The following FER variants were observed in gnomAD, a reference collection of about 807,000 sequenced individuals.
The protein encoded by FER is tyrosine-protein kinase Fer.
A neutral mutation model predicts 111.0 loss-of-function variants in FER; 63 were observed. The ratio of observed to expected loss-of-function variants is 0.57; its 90% CI spans 0.46 to 0.70. The LOEUF (loss-of-function observed/expected upper bound fraction) is 0.70. Ranked by LOEUF, FER falls within the 30% of genes least tolerant of loss-of-function variation. FER has a pLI of 0.00. For synonymous variants in FER, 327 were observed against 313.9 expected (o/e 1.04, Z -0.44); for missense variants, 914 against 954.0 (o/e 0.96, Z 0.55).
chr5:109,028,726 T>C (rs1769138406), intron 13 of FER, among the ~76,000 whole-genome samples: 1 of 152,216 alleles, frequency 6.6e-6, no homozygotes, highest in African/African-American at 2.4e-5. Flanking sequence ...GACTGACTCA[T>C]GTAGGAACAG....
chr5:108,966,831 T>C (rs1759915180), intron 13 of FER, among the ~76,000 whole-genome samples: 1 of 152,154 alleles, frequency 6.6e-6, no homozygotes, highest in Admixed American at 6.5e-5. Context: ...CCATTTCTTG[T>C]TGGAAGCCAT....
At chr5:109,165,595 TGTG>T (rs1248974605) in intron 17 of FER, among the ~76,000 whole-genome samples, 4 of 45,802 alleles carry the variant, frequency 8.7e-5, no homozygotes, top group Admixed American at 6.4e-4. Context: ...AGGGAACTGG[TGTG>T]TGTGTGTGTG....
chr5:108,828,979 A>G (rs1759760167), intron 3 of FER, among the ~76,000 whole-genome samples: 1 of 152,180 alleles, frequency 6.6e-6, no homozygotes. Context: ...AATTATCCTA[A>G]TAACAATTTA....
At chr5:109,003,180 A>C (rs1027717857) in intron 13 of FER, among the ~76,000 whole-genome samples, 13 of 152,262 alleles carry the variant, frequency 8.5e-5, no homozygotes, top group East Asian at 3.9e-4. Flanking sequence ...ATGTTTATTG[A>C]AGCACTATTC....
intron 17 of FER, among the ~76,000 whole-genome samples, chr5:109,169,521 G>A (rs1756890222): frequency 6.6e-6 from 1 of 152,058 alleles, no homozygotes; most frequent in Non-Finnish European, 1.5e-5. Flanking sequence ...ATTGAAATGG[G>A]AATAATGAAA....
chr5:108,753,993 C>T (rs188425711), intron 1 of FER, among the ~76,000 whole-genome samples: 18 of 152,280 alleles, frequency 1.2e-4, no homozygotes, highest in Admixed American at 1.1e-3. Context: ...AGTTTTCTAG[C>T]ATGCGAGCTC....
chr5:109,146,651 C>T (rs563154593), intron 17 of FER, among the ~76,000 whole-genome samples: 42 of 151,938 alleles, frequency 2.8e-4, no homozygotes, highest in South Asian at 1.9e-3. Context: ...TCATATATAT[C>T]GTATAATTAT....
chr5:109,082,770 G>C (rs1777139212), intron 16 of FER, among the ~76,000 whole-genome samples: 1 of 151,810 alleles, frequency 6.6e-6, no homozygotes, highest in Admixed American at 6.6e-5. Flanking sequence ...TTTCCTTTGA[G>C]AGATCAAGTT....
chr5:108,773,619 G>A (rs540103674), intron 2 of FER, among the ~76,000 whole-genome samples: 204 of 151,744 alleles, frequency 1.3e-3, no homozygotes, highest in African/African-American at 4.4e-3. Flanking sequence ...GGTTAATTCC[G>A]TGTCTTTGCT....
Position 109,056,990 on chromosome 5 carries a change from G to T in FER, c.1924+9792G>T, listed in dbSNP as rs546391095. Among the ~76,000 whole-genome samples the T allele has an allele frequency of 3.8e-4, 58 of 152,204 alleles. No homozygotes were observed. In the South Asian group the frequency reaches 0.012, roughly 30 times the overall value. ...AAAGGCTTGGTAGAATTTAGAGTGA[G>T]ATTTTATTTTATCAATATATCAATT... On this transcript the variant is annotated intron_variant, in intron 16 of 19. Coordinates refer to ENST00000281092, the MANE Select transcript of FER (RefSeq NM_005246.4).
intron 12 of FER, 62 bp downstream of exon 12, chr5:108,954,994 T>G (rs1448175265): frequency 7.3e-7 from 1 of 1,368,216 alleles, no homozygotes; most frequent in African/African-American, 1.5e-5. Context: ...ACAATTATAT[T>G]AAAATAACGA....
intron 2 of FER, among the ~76,000 whole-genome samples, chr5:108,790,507 T>A (rs903176344): frequency 1.3e-5 from 2 of 152,208 alleles, no homozygotes; most frequent in African/African-American, 4.8e-5. Flanking sequence ...AAGATTTTAC[T>A]GCCTGAAATT....
At position 108,768,225 on chromosome 5, in the gene FER, T is replaced by C. The variant is rs1414157961; in HGVS notation, c.-73T>C. The C allele has an allele frequency of 6.6e-6, 1 of 152,226 alleles. No individual in the cohort carries two copies. The highest frequency in any genetic ancestry group is 1.5e-5 in the Non-Finnish European group (1 of 68,042). 9.4% of individuals were successfully genotyped at this position (152,226 alleles called of 1,614,324 possible). A position where few individuals can be genotyped will look rare whatever the true frequency, so the allele number is the denominator to read the frequency against. On this transcript the variant is annotated 5_prime_UTR_variant, in exon 2 of 20. It removes an upstream start codon present in the reference 5' UTR. Transcript: ENST00000281092. Reference sequence around the variant, plus strand: ...ACTTTAGCTAAGGCATGACCAGCAATGAACAGTAGTAAGGTAGGATTACTT... The same window carrying C: ...ACTTTAGCTAAGGCATGACCAGCAACGAACAGTAGTAAGGTAGGATTACTT...
At chr5:108,814,022 ATATC>A (rs1284636034) in intron 3 of FER, among the ~76,000 whole-genome samples, 1 of 152,124 alleles carries the variant, frequency 6.6e-6, no homozygotes. Flanking sequence ...AATTCCTTTT[ATATC>A]TTGTATCTTT....
chr5:109,034,018 A>T (rs1245839952), intron 13 of FER, among the ~76,000 whole-genome samples: 6 of 152,108 alleles, frequency 3.9e-5, no homozygotes, highest in Non-Finnish European at 7.4e-5. Flanking sequence ...TTTTTGTAGC[A>T]ATTTTGAAGT....
intron 16 of FER, among the ~76,000 whole-genome samples, chr5:109,066,130 TG>T: frequency 6.6e-6 from 1 of 152,330 alleles, no homozygotes; most frequent in Non-Finnish European, 1.5e-5. Flanking sequence ...TCTTCTTCTG[TG>T]TTTGTCTGCG....
intron 11 of FER, among the ~76,000 whole-genome samples, chr5:108,953,096 A>G (rs1161235699): frequency 2.0e-5 from 3 of 152,044 alleles, no homozygotes; most frequent in African/African-American, 7.2e-5. Flanking sequence ...ATTTTAAAAT[A>G]AAATTTTTGA....
At chr5:108,935,211 C>G (rs1254970701) in intron 10 of FER, among the ~76,000 whole-genome samples, 1 of 152,040 alleles carries the variant, frequency 6.6e-6, no homozygotes, top group Non-Finnish European at 1.5e-5. Context: ...GCCAGAAGTC[C>G]AAAGTCAAGG....
chr5:108,953,846 G>C (rs138186721), intron 11 of FER, among the ~76,000 whole-genome samples: 1,784 of 152,080 alleles, frequency 0.012, 17 homozygotes, highest in Non-Finnish European at 0.02. Context: ...TAACCGCAAA[G>C]TACTCTCTCT....
Sources: gnomAD v4.1 joint callset for allele counts (sites outside exome capture counted in the v4.1 genomes callset) on GRCh38, gnomAD v4.1.1 for gene constraint, MANE v1.5 for transcripts, NCBI Gene and HGNC (gene_info 2026-07-23, HGNC 2026-07-21) for gene names.